Variants in FAF1 observed in about 807,000 individuals in gnomAD.
The protein encoded by FAF1 is FAS-associated factor 1.
In FAF1, 25 loss-of-function variants were observed where a neutral mutation model predicts 92.5. That is an observed-to-expected ratio of 0.27 (90% CI 0.20 to 0.38). The LOEUF is 0.38. Ranked by LOEUF, FAF1 falls within the 10% of genes least tolerant of loss-of-function variation. The pLI is 1.00. For synonymous variants in FAF1, 234 were observed against 273.2 expected (o/e 0.86, Z 1.42); for missense variants, 636 against 793.3 (o/e 0.80, Z 2.38).
chr1:50,744,093 G>A (rs557287792), intron 5 of FAF1, among the ~76,000 whole-genome samples: 1 of 151,952 alleles, frequency 6.6e-6, no homozygotes, highest in African/African-American at 2.4e-5. Context: ...TGTAAAAAAT[G>A]TTATATCTGA....
intron 6 of FAF1, among the ~76,000 whole-genome samples, chr1:50,709,710 G>C (rs997750351): frequency 1.3e-5 from 2 of 152,112 alleles, no homozygotes; most frequent in Non-Finnish European, 2.9e-5. Flanking sequence ...CTGCTTGGGC[G>C]ATACAAGGTG....
chr1:50,485,679 A>C (rs1385169531), intron 17 of FAF1, among the ~76,000 whole-genome samples: 1 of 149,682 alleles, frequency 6.7e-6, no homozygotes, highest in Non-Finnish European at 1.5e-5. Flanking sequence ...AAAAAAAAAA[A>C]AAAAAAAAAA....
At chr1:50,536,867 T>C (rs1394822584) in intron 14 of FAF1, among the ~76,000 whole-genome samples, 2 of 152,208 alleles carry the variant, frequency 1.3e-5, no homozygotes, top group Non-Finnish European at 2.9e-5. Context: ...GATAACACTA[T>C]GTAGTGTTCT....
At position 50,938,758 on chromosome 1, in the gene FAF1, G is replaced by A. The variant is rs143218158; in HGVS notation, c.45+21009C>T. On this transcript the variant is annotated intron_variant, in intron 1 of 18. Transcript: ENST00000396153. ...CATCTTGAGTTAATTCTCATATATG[G>A]TGAAAGGTAAGGGTCTAGTTTCATC... Among the ~76,000 whole-genome samples the A allele has an allele frequency of 4.4e-3, 675 of 152,246 alleles. 8 individuals carry two copies. Among genetic ancestry groups the A allele is most frequent in the African/African-American group, 0.015 (611 of 41,536 alleles).
chr1:50,553,824 C>T (rs1649424029), intron 13 of FAF1, among the ~76,000 whole-genome samples: 1 of 151,766 alleles, frequency 6.6e-6, no homozygotes, highest in East Asian at 1.9e-4. Flanking sequence ...AAAACCAGAA[C>T]CAAAAAGGAT....
intron 7 of FAF1, among the ~76,000 whole-genome samples, chr1:50,672,412 G>C (rs988423918): frequency 1.3e-5 from 2 of 152,086 alleles, no homozygotes; most frequent in Non-Finnish European, 2.9e-5. Context: ...GAGGTGGGAT[G>C]GGGGAGGGAC....
At chr1:50,793,378 G>T (rs997224135) in intron 3 of FAF1, among the ~76,000 whole-genome samples, 1 of 152,176 alleles carries the variant, frequency 6.6e-6, no homozygotes. Context: ...ACTCTAAAAT[G>T]ATGCTAATTA....
intron 1 of FAF1, among the ~76,000 whole-genome samples, chr1:50,890,401 A>T (rs960076986): frequency 3.3e-5 from 5 of 152,296 alleles, no homozygotes; most frequent in Admixed American, 3.3e-4. Context: ...TGATCCTGTC[A>T]TTATGATGTT....
In FAF1 at chr1:50,485,557, G is replaced by A. The variant is rs556406236; in HGVS notation, c.1653+5031C>T. ...GGTGCCTGTAGTCCCAGCTACTCAGGAGGCTGAGGCAGGGGAATCACTTGA... is the reference window on the plus strand; with the variant it reads ...GGTGCCTGTAGTCCCAGCTACTCAGAAGGCTGAGGCAGGGGAATCACTTGA... On this transcript the variant is annotated intron_variant, in intron 17 of 18. Transcript: ENST00000396153. Among the ~76,000 whole-genome samples, 34 of 151,066 alleles carry A rather than the reference G, an allele frequency of 2.3e-4. No homozygotes were observed. In the South Asian group the frequency reaches 6.9e-3, roughly 31 times the overall value.
At chr1:50,834,208 T>C (rs1644180463) in intron 2 of FAF1, among the ~76,000 whole-genome samples, 1 of 152,242 alleles carries the variant, frequency 6.6e-6, no homozygotes, top group Non-Finnish European at 1.5e-5. Flanking sequence ...CCTTCCACCA[T>C]GACTGTAAGT....
At chr1:50,605,767 T>C (rs557320314) in intron 8 of FAF1, among the ~76,000 whole-genome samples, 5 of 152,360 alleles carry the variant, frequency 3.3e-5, no homozygotes, top group East Asian at 1.9e-4. Context: ...ATCTGGAATA[T>C]GTGCAGATTT....
intron 8 of FAF1, among the ~76,000 whole-genome samples, chr1:50,632,762 T>G (rs892244721): frequency 6.6e-6 from 1 of 152,162 alleles, no homozygotes. Context: ...GTCCCACACT[T>G]ATGCATTGTT....
intron 7 of FAF1, among the ~76,000 whole-genome samples, chr1:50,702,812 G>A (rs761879011): frequency 6.6e-5 from 10 of 152,008 alleles, no homozygotes; most frequent in Non-Finnish European, 1.5e-4. Flanking sequence ...TATGGTCATT[G>A]AATAGTTTAT....
chr1:50,693,397 T>A (rs2124398172), intron 7 of FAF1, among the ~76,000 whole-genome samples: 1 of 152,318 alleles, frequency 6.6e-6, no homozygotes, highest in South Asian at 2.1e-4. Context: ...CTGATCTATC[T>A]GTCTGTCCTT....
intron 2 of FAF1, among the ~76,000 whole-genome samples, chr1:50,852,166 A>G (rs975702990): frequency 9.2e-5 from 14 of 152,344 alleles, no homozygotes; most frequent in African/African-American, 3.1e-4. Context: ...ATAGGTAGAA[A>G]TCATGTAATT....
In FAF1 at chr1:50,801,681, C is replaced by A; in HGVS notation, c.115-4G>T. The stretch of plus-strand genomic sequence containing the variant: ...GTATTACACCATTGATAGCTGCCTG[C>A]AAACAAGAAACAGAGAAGGCCATTT... On this transcript the variant is annotated splice_polypyrimidine_tract_variant and splice_region_variant and intron_variant, in intron 2 of 18. Coordinates refer to ENST00000396153, the MANE Select transcript of FAF1 (RefSeq NM_007051.3). 6 of 1,583,616 alleles carry A rather than the reference C, an allele frequency of 3.8e-6. No individual in the cohort carries two copies. In the South Asian group the frequency reaches 4.4e-5, roughly 12 times the overall value.
intron 4 of FAF1, among the ~76,000 whole-genome samples, chr1:50,786,986 AG>A (rs1459635727): frequency 6.6e-6 from 1 of 152,234 alleles, no homozygotes; most frequent in Non-Finnish European, 1.5e-5. Context: ...AAATTCTACA[AG>A]GATCTCCCCT....
At chr1:50,441,793 CA>C (rs1646169575) in intron 18 of FAF1, among the ~76,000 whole-genome samples, 1 of 152,022 alleles carries the variant, frequency 6.6e-6, no homozygotes, top group African/African-American at 2.4e-5. Context: ...GCTGGCAGAA[CA>C]GGGGGCCCTT....
chr1:50,883,425 T>C (rs1322667108), intron 1 of FAF1, among the ~76,000 whole-genome samples: 1 of 152,218 alleles, frequency 6.6e-6, no homozygotes, highest in Admixed American at 6.5e-5. Context: ...CGTCAGGTTA[T>C]AAGCCTTCTG....
Sources: allele counts gnomAD v4.1 joint callset (sites outside exome capture counted in the v4.1 genomes callset), GRCh38; gene constraint gnomAD v4.1.1; transcripts MANE v1.5; gene names NCBI Gene and HGNC (gene_info 2026-07-23, HGNC 2026-07-21).